SDK1: variants seen among roughly 807,000 people sequenced by gnomAD.
SDK1 encodes the protein sidekick cell adhesion molecule 1.
In SDK1, 157 loss-of-function variants were observed where a neutral mutation model predicts 245.5. That is an observed-to-expected ratio of 0.64 (90% CI 0.56 to 0.73). SDK1 has a LOEUF of 0.73. Ranked by LOEUF, SDK1 falls within the 30% of genes least tolerant of loss-of-function variation. SDK1 has a pLI of 0.00. For missense variants in SDK1, 3,583 were observed against 3,002.3 expected, an observed-to-expected ratio of 1.19 and a Z score of -4.52; for synonymous variants, 1,647 against 1,278.5, an observed-to-expected ratio of 1.29 and a Z score of -6.15.
intron 1 of SDK1, among the ~76,000 whole-genome samples, chr7:3,543,538 G>A (rs913478199): frequency 6.6e-6 from 1 of 152,192 alleles, no homozygotes; most frequent in African/African-American, 2.4e-5. Context: ...CTACTCGTAG[G>A]GAATAAGGAT....
chr7:3,692,413 A>G (rs978004148), intron 4 of SDK1, among the ~76,000 whole-genome samples: 7 of 152,212 alleles, frequency 4.6e-5, no homozygotes, highest in Middle Eastern at 3.4e-3. Flanking sequence ...ATCATACTAT[A>G]TAGTTAGTTT....
At chr7:3,594,999 T>C (rs1392647121) in intron 1 of SDK1, among the ~76,000 whole-genome samples, 2 of 152,216 alleles carry the variant, frequency 1.3e-5, no homozygotes, top group African/African-American at 4.8e-5. Context: ...TCTAGTTGCT[T>C]TTATGTTTTA....
chr7:3,515,093 G>A (rs1017030387), intron 1 of SDK1, among the ~76,000 whole-genome samples: 1 of 152,080 alleles, frequency 6.6e-6, no homozygotes, highest in Non-Finnish European at 1.5e-5. Context: ...AGGAGCAGGT[G>A]AGAGAAGCGG....
At chr7:4,096,847 G>T (rs1339653179) in intron 22 of SDK1, among the ~76,000 whole-genome samples, 1 of 152,100 alleles carries the variant, frequency 6.6e-6, no homozygotes, top group East Asian at 1.9e-4. Flanking sequence ...CCCCACGGGG[G>T]TCGCTGTGGT....
chr7:3,564,665 A>G (rs1779852269), intron 1 of SDK1, among the ~76,000 whole-genome samples: 1 of 152,180 alleles, frequency 6.6e-6, no homozygotes, highest in South Asian at 2.1e-4. Flanking sequence ...AATTATCCTA[A>G]GAAATACAGA....
chr7:3,393,880 G>A (rs913383606), intron 1 of SDK1, among the ~76,000 whole-genome samples: 1 of 152,000 alleles, frequency 6.6e-6, no homozygotes, highest in African/African-American at 2.4e-5. Flanking sequence ...GTGTTTTCCC[G>A]GATGGTCTTG....
intron 1 of SDK1, among the ~76,000 whole-genome samples, chr7:3,569,682 T>C (rs1780047085): frequency 6.6e-6 from 1 of 152,262 alleles, no homozygotes; most frequent in Non-Finnish European, 1.5e-5. Flanking sequence ...GCCATGACTA[T>C]AGAATTATTC....
At position 3,306,936 on chromosome 7, in the gene SDK1, G is replaced by C. The variant is rs368837017; in HGVS notation, c.298+5052G>C. On this transcript the variant is annotated intron_variant, in intron 1 of 44. Coordinates refer to ENST00000404826, the MANE Select transcript of SDK1 (RefSeq NM_152744.4). The stretch of plus-strand genomic sequence containing the variant: ...TAGGTCACGGCTTAAATTTCTCTAA[G>C]AAGTAAAGAAAGTGGTAGTTATGAG... 4.7e-4 allele frequency among the ~76,000 whole-genome samples: 72 copies of C among 152,292 alleles called. No homozygotes were observed. The South Asian group carries it at 0.014, about 29-fold the overall frequency.
At chr7:3,720,323 G>A (rs748277183) in intron 4 of SDK1, among the ~76,000 whole-genome samples, 2 of 152,032 alleles carry the variant, frequency 1.3e-5, no homozygotes, top group Middle Eastern at 3.4e-3. Flanking sequence ...TGTAAACCAC[G>A]TACCTGATGA....
intron 12 of SDK1, among the ~76,000 whole-genome samples, 174 bp downstream of exon 12, chr7:3,971,742 A>G (rs1035124269): frequency 6.6e-6 from 1 of 151,866 alleles, no homozygotes; most frequent in Admixed American, 6.6e-5. Context: ...CCCATTTTCC[A>G]CTCCAGCCTT....
chr7:3,789,246 C>G (rs1374377495), intron 4 of SDK1, among the ~76,000 whole-genome samples: 1 of 152,148 alleles, frequency 6.6e-6, no homozygotes, highest in Admixed American at 6.5e-5. Flanking sequence ...CTCCCAGGTT[C>G]AAGCGATTCT....
intron 1 of SDK1, among the ~76,000 whole-genome samples, chr7:3,385,205 CCT>C (rs562177677): frequency 1.5e-3 from 222 of 152,228 alleles, no homozygotes; most frequent in African/African-American, 5.2e-3. Context: ...CAGTTTTTCT[CCT>C]CTATGAATTG....
chr7:4,001,593 C>G (rs1354309293), intron 14 of SDK1, among the ~76,000 whole-genome samples: 1 of 152,226 alleles, frequency 6.6e-6, no homozygotes, highest in Admixed American at 6.5e-5. Flanking sequence ...CTCTTTAGTT[C>G]TTAACTTTTT....
At chr7:3,936,618 G>T (rs1780170346) in intron 5 of SDK1, among the ~76,000 whole-genome samples, 1 of 152,158 alleles carries the variant, frequency 6.6e-6, no homozygotes, top group Non-Finnish European at 1.5e-5. Context: ...ATGTATAGTG[G>T]TGATGGCTAC....
At chr7:3,692,242 G>GA in intron 4 of SDK1, among the ~76,000 whole-genome samples, 1 of 151,648 alleles carries the variant, frequency 6.6e-6, no homozygotes, top group Non-Finnish European at 1.5e-5. Context: ...AGACAACTAA[G>GA]AAAAAAATAG....
At chr7:4,224,258 G>A (rs530839529) in intron 40 of SDK1, among the ~76,000 whole-genome samples, 16 of 152,340 alleles carry the variant, frequency 1.1e-4, no homozygotes, top group African/African-American at 3.8e-4. Context: ...TCTGCAGGCT[G>A]TACAGGAAGC....
intron 5 of SDK1, among the ~76,000 whole-genome samples, chr7:3,882,217 ACGTGG>A (rs1562510671): frequency 6.6e-6 from 1 of 152,044 alleles, no homozygotes; most frequent in Non-Finnish European, 1.5e-5. Context: ...CCTCCAAAAC[ACGTGG>A]GAATTCTGGG....
chr7:3,662,931 T>A (rs999767275), intron 4 of SDK1, among the ~76,000 whole-genome samples: 1 of 152,192 alleles, frequency 6.6e-6, no homozygotes, highest in Non-Finnish European at 1.5e-5. Flanking sequence ...TACGAAGCAC[T>A]TATGGTTCCA....
chr7:4,135,012 C>T (rs1270896473), intron 28 of SDK1, among the ~76,000 whole-genome samples: 1 of 152,220 alleles, frequency 6.6e-6, no homozygotes, highest in African/African-American at 2.4e-5. Flanking sequence ...AGCCCCGGGT[C>T]CTCACTGCCC....
Sources: allele counts gnomAD v4.1 joint callset (sites outside exome capture counted in the v4.1 genomes callset), GRCh38; gene constraint gnomAD v4.1.1; transcripts MANE v1.5; gene names NCBI Gene and HGNC (gene_info 2026-07-23, HGNC 2026-07-21).